The following P3H2 variants were observed in gnomAD, a reference collection of about 807,000 sequenced individuals.
P3H2 encodes the protein prolyl 3-hydroxylase 2, also known as leprecan-like 1.
Under a neutral mutation model 87.0 loss-of-function variants are expected in P3H2, and 80 were observed. The ratio of observed to expected loss-of-function variants is 0.92; its 90% CI spans 0.77 to 1.11. P3H2 has a LOEUF of 1.11. P3H2 is among the 50% of genes least tolerant of loss of function. P3H2 has a pLI of 0.00. For synonymous variants in P3H2, 367 were observed against 359.3 expected (o/e 1.02, Z -0.24); for missense variants, 1,001 against 923.9 (o/e 1.08, Z -1.08).
At chr3:189,958,264 G>A (rs986922081) in intron 14 of P3H2, among the ~76,000 whole-genome samples, 1 of 151,954 alleles carries the variant, frequency 6.6e-6, no homozygotes, top group African/African-American at 2.4e-5. Context: ...CTAATTCATG[G>A]CCCCATAGCC....
chr3:190,016,055 C>T (rs1724743806), intron 1 of P3H2, among the ~76,000 whole-genome samples: 1 of 152,196 alleles, frequency 6.6e-6, no homozygotes, highest in South Asian at 2.1e-4. Flanking sequence ...TGCTCTTTAG[C>T]TTGCTGTTTT....
At chr3:189,973,730 T>TAG (rs1723256870) in intron 10 of P3H2, among the ~76,000 whole-genome samples, 179 bp downstream of exon 10, 1 of 151,952 alleles carries the variant, frequency 6.6e-6, no homozygotes, top group Non-Finnish European at 1.5e-5. Context: ...TTCACCATGT[T>TAG]AGCCAGGGTG....
chr3:190,036,548 A>T (rs1725431865), intron 1 of P3H2, among the ~76,000 whole-genome samples: 1 of 152,232 alleles, frequency 6.6e-6, no homozygotes. Context: ...ATTTTAAAAA[A>T]AATTAACATT....
chr3:190,107,640 C>G (rs1469260564), intron 1 of P3H2, among the ~76,000 whole-genome samples: 1 of 152,110 alleles, frequency 6.6e-6, no homozygotes, highest in African/African-American at 2.4e-5. Context: ...TCAAAGGAAC[C>G]TGAAATGGCA....
intron 1 of P3H2, among the ~76,000 whole-genome samples, chr3:190,104,833 G>A (rs572664404): frequency 6.6e-6 from 1 of 152,226 alleles, no homozygotes; most frequent in Admixed American, 6.5e-5. Context: ...TCATGCATGT[G>A]GATATTATTA....
intron 1 of P3H2, among the ~76,000 whole-genome samples, chr3:190,018,871 C>A (rs532007440): frequency 6.6e-6 from 1 of 152,256 alleles, no homozygotes; most frequent in African/African-American, 2.4e-5. Flanking sequence ...TTCACTCTTT[C>A]AGGTCAGAAC....
Position 189,964,055 on chromosome 3 carries a change from G to T in P3H2, c.1937C>A (p.Ser646Tyr). 6.2e-7 allele frequency: 1 copy of T among 1,614,188 alleles called. No homozygotes were observed. Among genetic ancestry groups the T allele is most frequent in the Non-Finnish European group, 8.5e-7 (1 of 1,180,012 alleles). ...PKCGRMISFS[S>Y]GGENPHGVKA... ...CACCCCATGAGGGTTCTCTCCTCCA[G>T]ATGAGAAGCTGATCATGCGCCCACA... Residue 646 changes from serine to tyrosine, a missense_variant, in exon 14 of 15, where the codon TCT becomes TAT. Physicochemically the swap from Ser to Tyr is moderately radical, Grantham distance 144. Transcript: ENST00000319332.
chr3:190,069,239 T>C (rs1008206733), intron 1 of P3H2, among the ~76,000 whole-genome samples: 1 of 152,182 alleles, frequency 6.6e-6, no homozygotes, highest in Non-Finnish European at 1.5e-5. Context: ...GACACAGTCT[T>C]GGTTTCTCTA....
chr3:190,042,740 G>C lies in P3H2; in HGVS notation c.481-47298C>G, dbSNP rs547969529. Reference sequence around the variant, plus strand: ...TTGGCATAGTTACTATTCCCTTTTAGGGGTAAGTGGGATTCCAGCATACTG... The same window carrying C: ...TTGGCATAGTTACTATTCCCTTTTACGGGTAAGTGGGATTCCAGCATACTG... On this transcript the variant is annotated intron_variant, in intron 1 of 14. Coordinates refer to ENST00000319332, the MANE Select transcript of P3H2 (RefSeq NM_018192.4). 1.3e-4 allele frequency among the ~76,000 whole-genome samples: 20 copies of C among 152,288 alleles called. 1 individual carries two copies. The South Asian group carries it at 3.9e-3, about 30-fold the overall frequency.
intron 12 of P3H2, chr3:189,971,488 C>T (rs1723176768): frequency 3.7e-6 from 1 of 270,270 alleles, no homozygotes; most frequent in Non-Finnish European, 7.2e-6. Context: ...TTATAAAATG[C>T]AGACATAGTT....
intron 1 of P3H2, among the ~76,000 whole-genome samples, chr3:190,086,761 C>T (rs1374165100): frequency 6.6e-6 from 1 of 152,096 alleles, no homozygotes; most frequent in Non-Finnish European, 1.5e-5. Context: ...TCTCTGCTAC[C>T]AAGAAGTCAC....
intron 1 of P3H2, among the ~76,000 whole-genome samples, chr3:190,118,729 G>C (rs976031902): frequency 6.6e-6 from 1 of 152,002 alleles, no homozygotes; most frequent in African/African-American, 2.4e-5. Context: ...CACAGATGAG[G>C]GCAGAGATCT....
At chr3:190,111,540 TA>T (rs949382932) in intron 1 of P3H2, among the ~76,000 whole-genome samples, 2 of 151,910 alleles carry the variant, frequency 1.3e-5, no homozygotes, top group African/African-American at 2.4e-5. Context: ...ATGCCTTTTT[TA>T]AAAAAAATCA....
At chr3:190,028,734 CTA>C (rs1363245651) in intron 1 of P3H2, among the ~76,000 whole-genome samples, 1 of 152,160 alleles carries the variant, frequency 6.6e-6, no homozygotes, top group Non-Finnish European at 1.5e-5. Context: ...TGGAGACACT[CTA>C]TGTTTTACAA....
chr3:189,981,621 C>T (rs1024591239), intron 8 of P3H2, among the ~76,000 whole-genome samples: 9 of 152,178 alleles, frequency 5.9e-5, no homozygotes, highest in Admixed American at 4.6e-4. Flanking sequence ...TGATCCTTCT[C>T]TATCACACGT....
At chr3:190,038,928 G>T (rs553589101) in intron 1 of P3H2, among the ~76,000 whole-genome samples, 1 of 152,150 alleles carries the variant, frequency 6.6e-6, no homozygotes, top group Non-Finnish European at 1.5e-5. Context: ...GGTGGTTCAC[G>T]CTTGTAATCC....
chr3:190,054,016 C>T (rs1289581385), intron 1 of P3H2, among the ~76,000 whole-genome samples: 1 of 152,080 alleles, frequency 6.6e-6, no homozygotes, highest in African/African-American at 2.4e-5. Context: ...CATTGAACTT[C>T]CTTCATACAT....
At chr3:190,066,582 A>C (rs1577305877) in intron 1 of P3H2, among the ~76,000 whole-genome samples, 1 of 152,082 alleles carries the variant, frequency 6.6e-6, no homozygotes, top group Non-Finnish European at 1.5e-5. Flanking sequence ...ACAAATCACC[A>C]CTAAATAACT....
At position 190,058,113 on chromosome 3, in the gene P3H2, A is replaced by T. The variant is rs185822398; in HGVS notation, c.480+62139T>A. ...GAAGAGCATGGAAAATCCCAATATC[A>T]CCTCAGTCATTCCTGACTTAATATA... is the stretch of plus-strand genomic sequence containing the variant. On this transcript the variant is annotated intron_variant, in intron 1 of 14. Coordinates refer to ENST00000319332, the MANE Select transcript of P3H2 (RefSeq NM_018192.4). 1.2e-3 allele frequency among the ~76,000 whole-genome samples: 178 copies of T among 152,198 alleles called. 2 individuals carry two copies. The highest frequency in any genetic ancestry group is 2.4e-4 in the Non-Finnish European group (16 of 68,008).
Sources: gnomAD v4.1 joint callset for allele counts (sites outside exome capture counted in the v4.1 genomes callset) on GRCh38, gnomAD v4.1.1 for gene constraint, MANE v1.5 for transcripts, NCBI Gene and HGNC (gene_info 2026-07-23, HGNC 2026-07-21) for gene names.